Variants in SEMA5A observed in about 807,000 individuals in gnomAD.
SEMA5A encodes the protein semaphorin-5A.
A neutral mutation model predicts 135.5 loss-of-function variants in SEMA5A; 55 were observed. The observed-to-expected ratio is 0.41, with a 90% confidence interval of 0.33 to 0.51. SEMA5A has a LOEUF of 0.51. Among genes scored for constraint, SEMA5A ranks in the 20% least tolerant of loss-of-function variants. The pLI is 0.37. For missense variants in SEMA5A, 1,290 were observed against 1,419.9 expected, an observed-to-expected ratio of 0.91 and a Z score of 1.47; for synonymous variants, 580 against 546.5, an observed-to-expected ratio of 1.06 and a Z score of -0.85.
intron 1 of SEMA5A, among the ~76,000 whole-genome samples, chr5:9,543,186 C>T (rs996238504): frequency 4.6e-5 from 7 of 152,196 alleles, no homozygotes; most frequent in African/African-American, 1.7e-4. Context: ...TTGGTTGTAA[C>T]ATTTGTCCTT....
chr5:9,109,075 CT>C (rs1740095238), intron 15 of SEMA5A, among the ~76,000 whole-genome samples: 2 of 113,276 alleles, frequency 1.8e-5, no homozygotes, highest in Non-Finnish European at 3.4e-5. Flanking sequence ...GAGTCTCGCT[CT>C]GTCGCCCAGG....
intron 11 of SEMA5A, among the ~76,000 whole-genome samples, chr5:9,166,314 C>T (rs1560981378): frequency 6.6e-6 from 1 of 151,964 alleles, no homozygotes; most frequent in Non-Finnish European, 1.5e-5. Context: ...GGCACAACAG[C>T]CCAGGTTAAA....
At chr5:9,393,191 C>G (rs912978041) in intron 2 of SEMA5A, among the ~76,000 whole-genome samples, 1 of 152,134 alleles carries the variant, frequency 6.6e-6, no homozygotes, top group African/African-American at 2.4e-5. Context: ...ATATTAAAAC[C>G]TATGTGATGG....
intron 14 of SEMA5A, 42 bp downstream of exon 14, chr5:9,122,614 T>A (rs987285857): frequency 2.1e-6 from 3 of 1,450,786 alleles, no homozygotes; most frequent in Non-Finnish European, 2.8e-6. Context: ...GAATCTGAGT[T>A]TAATACACAG....
At chr5:9,480,479 G>C (rs1561286780) in intron 1 of SEMA5A, among the ~76,000 whole-genome samples, 1 of 152,148 alleles carries the variant, frequency 6.6e-6, no homozygotes, top group Non-Finnish European at 1.5e-5. Flanking sequence ...ATAAAGGAAA[G>C]GCTGCAGGCA....
chr5:9,452,666 C>T (rs1758689236), intron 1 of SEMA5A, among the ~76,000 whole-genome samples: 1 of 152,150 alleles, frequency 6.6e-6, no homozygotes, highest in African/African-American at 2.4e-5. Flanking sequence ...GCCACACTCT[C>T]CCAAAACAAA....
At chr5:9,376,066 T>A (rs1202014186) in intron 3 of SEMA5A, among the ~76,000 whole-genome samples, 2 of 152,048 alleles carry the variant, frequency 1.3e-5, no homozygotes, top group Non-Finnish European at 2.9e-5. Flanking sequence ...AGAATCTACT[T>A]CTTCTCTACA....
chr5:9,280,419 C>T (rs1750480167), intron 5 of SEMA5A, among the ~76,000 whole-genome samples: 1 of 152,310 alleles, frequency 6.6e-6, no homozygotes, highest in Admixed American at 6.5e-5. Flanking sequence ...AAGTGAAGCA[C>T]ATCTGGACAC....
intron 1 of SEMA5A, among the ~76,000 whole-genome samples, chr5:9,529,731 T>A (rs1737339811): frequency 1.3e-5 from 2 of 152,170 alleles, no homozygotes; most frequent in Admixed American, 1.3e-4. Flanking sequence ...TATATGAAAG[T>A]AAATATGAAC....
intron 18 of SEMA5A, among the ~76,000 whole-genome samples, chr5:9,058,989 A>T (rs1246785092): frequency 1.3e-5 from 2 of 152,208 alleles, no homozygotes; most frequent in African/African-American, 4.8e-5. Context: ...TAAGAGATTT[A>T]TCTATAGGAC....
At position 9,438,333 on chromosome 5, in the gene SEMA5A, T is replaced by C. The variant is rs1333163706; in HGVS notation, c.-174-481A>G. Among the ~76,000 whole-genome samples the C allele has an allele frequency of 2.6e-5, 4 of 152,304 alleles. No homozygotes were observed. The East Asian group carries it at 7.7e-4, about 29-fold the overall frequency. On this transcript the variant is annotated intron_variant, in intron 1 of 22. Coordinates refer to ENST00000382496, the MANE Select transcript of SEMA5A (RefSeq NM_003966.3). ...TAGAAATTTGAGTTTGTATTTTTAT[T>C]TACATACTGATTTATTAGGTGCACA...
chr5:9,082,852 A>C (rs1379733667), intron 16 of SEMA5A, among the ~76,000 whole-genome samples: 1 of 152,186 alleles, frequency 6.6e-6, no homozygotes, highest in Non-Finnish European at 1.5e-5. Context: ...CCTACTAGGA[A>C]TATCCACAGC....
At chr5:9,443,260 A>G (rs1164078232) in intron 1 of SEMA5A, among the ~76,000 whole-genome samples, 1 of 152,148 alleles carries the variant, frequency 6.6e-6, no homozygotes, top group African/African-American at 2.4e-5. Context: ...TGGAAACCCC[A>G]GCCACTCAAG....
chr5:9,220,031 G>A (rs1292891816), intron 8 of SEMA5A, among the ~76,000 whole-genome samples: 1 of 152,122 alleles, frequency 6.6e-6, no homozygotes, highest in Non-Finnish European at 1.5e-5. Context: ...GCTATAAAAA[G>A]GAACAAAATA....
At chr5:9,270,334 TAATA>T (rs1443082292) in intron 5 of SEMA5A, among the ~76,000 whole-genome samples, 1 of 152,116 alleles carries the variant, frequency 6.6e-6, no homozygotes, top group African/African-American at 2.4e-5. Context: ...TCCTTCACTG[TAATA>T]AATCACAGCC....
At chr5:9,273,333 A>C (rs1000474999) in intron 5 of SEMA5A, among the ~76,000 whole-genome samples, 1 of 152,188 alleles carries the variant, frequency 6.6e-6, no homozygotes, top group South Asian at 2.1e-4. Context: ...GAAATATGGG[A>C]CTATGTGAAA....
At chr5:9,504,926 C>CT (rs762796657) in intron 1 of SEMA5A, among the ~76,000 whole-genome samples, 13 of 152,244 alleles carry the variant, frequency 8.5e-5, no homozygotes, top group Non-Finnish European at 1.9e-4. Context: ...ATTTTCCTCT[C>CT]TGTTTTCCTC....
chr5:9,537,094 T>C (rs1193467032), intron 1 of SEMA5A, among the ~76,000 whole-genome samples: 1 of 152,094 alleles, frequency 6.6e-6, no homozygotes, highest in African/African-American at 2.4e-5. Flanking sequence ...GTAGAAATCA[T>C]TAAAAAAAAT....
intron 2 of SEMA5A, among the ~76,000 whole-genome samples, chr5:9,388,665 C>T (rs992444912): frequency 3.3e-5 from 5 of 151,972 alleles, no homozygotes; most frequent in Admixed American, 6.5e-5. Flanking sequence ...TTTGGGAGGC[C>T]GAGGTGGGCG....
Sources: allele counts gnomAD v4.1 joint callset (sites outside exome capture counted in the v4.1 genomes callset), GRCh38; gene constraint gnomAD v4.1.1; transcripts MANE v1.5; gene names NCBI Gene and HGNC (gene_info 2026-07-23, HGNC 2026-07-21).